The following PCDHA13 variants were observed in gnomAD, a reference collection of about 807,000 sequenced individuals.
PCDHA13 encodes protocadherin alpha-13.
A neutral mutation model predicts 64.8 loss-of-function variants in PCDHA13; 54 were observed. That is an observed-to-expected ratio of 0.83 (90% CI 0.67 to 1.04). The LOEUF is 1.04. Ranked by LOEUF, PCDHA13 falls within the 50% of genes least tolerant of loss-of-function variation. PCDHA13 has a pLI of 0.00. For missense variants in PCDHA13, 1,248 were observed against 1,254.3 expected, an observed-to-expected ratio of 0.99 and a Z score of 0.08; for synonymous variants, 587 against 564.4, an observed-to-expected ratio of 1.04 and a Z score of -0.57.
At chr5:140,990,007 C>T (rs1188956345) in intron 3 of PCDHA13, among the ~76,000 whole-genome samples, 2 of 151,870 alleles carry the variant, frequency 1.3e-5, no homozygotes, top group African/African-American at 2.4e-5. Flanking sequence ...TCTCCAAGGG[C>T]GTGGGCTAGG....
chr5:140,985,499 C>G (rs1307302690), intron 3 of PCDHA13, among the ~76,000 whole-genome samples: 1 of 152,170 alleles, frequency 6.6e-6, no homozygotes, highest in African/African-American at 2.4e-5. Flanking sequence ...TAGAGCCTGC[C>G]TTTCATTGAT....
In PCDHA13 at chr5:140,929,288, G is replaced by A. The variant is rs386352346; in HGVS notation, c.2394+44626G>A. 3.1e-6 allele frequency: 5 copies of A among 1,597,514 alleles called. No homozygotes were observed. Among genetic ancestry groups the A allele is most frequent in the Non-Finnish European group, 3.4e-6 (4 of 1,168,792 alleles). On this transcript the variant is annotated intron_variant, in intron 1 of 3. Transcript: ENST00000289272. ...TTGCCAATATCCTGTATTCAGATTC[G>A]GAATAGGAAAGGGGATCACGCTAAT... is the stretch of plus-strand genomic sequence containing the variant.
intron 3 of PCDHA13, among the ~76,000 whole-genome samples, chr5:140,989,274 G>A (rs3756325): frequency 0.3 from 45,270 of 152,016 alleles, 6,976 homozygotes; most frequent in East Asian, 0.43. Flanking sequence ...GTTTCTGCTG[G>A]GGACATCTCA....
chr5:140,935,996 G>A (rs145363850), intron 1 of PCDHA13, among the ~76,000 whole-genome samples: 2 of 150,844 alleles, frequency 1.3e-5, no homozygotes, highest in African/African-American at 4.9e-5. Context: ...GGGTTCAAGC[G>A]ATTCTCCCAC....
intron 1 of PCDHA13, among the ~76,000 whole-genome samples, chr5:140,974,660 C>T (rs529524485): frequency 2.6e-5 from 4 of 152,116 alleles, no homozygotes; most frequent in South Asian, 2.1e-4. Flanking sequence ...TACAGGCATG[C>T]GCCACCATGC....
chr5:140,925,947 G>A (rs1447488918), intron 1 of PCDHA13, among the ~76,000 whole-genome samples: 1 of 152,066 alleles, frequency 6.6e-6, no homozygotes, highest in Non-Finnish European at 1.5e-5. Flanking sequence ...CTTGGAGAAG[G>A]AGAAACTGCT....
chr5:140,961,464 C>G (rs1364555316), intron 1 of PCDHA13, among the ~76,000 whole-genome samples: 1 of 152,126 alleles, frequency 6.6e-6, no homozygotes, highest in Non-Finnish European at 1.5e-5. Flanking sequence ...AGCTGCCTTT[C>G]TTTTTTTGTC....
chr5:140,998,241 T>C (rs1554256206), intron 3 of PCDHA13, among the ~76,000 whole-genome samples: 1 of 152,194 alleles, frequency 6.6e-6, no homozygotes, highest in African/African-American at 2.4e-5. Context: ...TGCATTATTA[T>C]ACTCATTTTA....
At chr5:141,000,743 T>TAA (rs527867626) in intron 3 of PCDHA13, among the ~76,000 whole-genome samples, 3 of 145,408 alleles carry the variant, frequency 2.1e-5, no homozygotes, top group Admixed American at 6.9e-5. Context: ...CTCTGTATAT[T>TAA]AAAAAAAAAA....
At chr5:140,929,395 C>G (rs1317256449) in intron 1 of PCDHA13, 8 of 1,510,412 alleles carry the variant, frequency 5.3e-6, no homozygotes, top group Non-Finnish European at 5.3e-6. Flanking sequence ...TGAAATATTT[C>G]TTAGACAAGC....
intron 1 of PCDHA13, among the ~76,000 whole-genome samples, chr5:140,974,883 C>T (rs1188748856): frequency 1.3e-5 from 2 of 152,154 alleles, no homozygotes; most frequent in Non-Finnish European, 2.9e-5. Context: ...CTATGTATCC[C>T]TTTTCTGATG....
intron 1 of PCDHA13, among the ~76,000 whole-genome samples, chr5:140,959,145 A>C (rs2095470775): frequency 6.6e-6 from 1 of 152,030 alleles, no homozygotes; most frequent in Non-Finnish European, 1.5e-5. Flanking sequence ...GGGAGGCCAA[A>C]GTGGGCAGAT....
intron 3 of PCDHA13, among the ~76,000 whole-genome samples, chr5:140,984,412 A>G (rs1189115390): frequency 5.9e-5 from 9 of 152,184 alleles, no homozygotes; most frequent in African/African-American, 2.2e-4. Flanking sequence ...TATCTTTTTT[A>G]CAGAGATAGA....
intron 3 of PCDHA13, among the ~76,000 whole-genome samples, chr5:140,982,814 A>G (rs1166333981): frequency 6.6e-6 from 1 of 151,580 alleles, no homozygotes; most frequent in Non-Finnish European, 1.5e-5. Context: ...TGTGTGTATG[A>G]AGTTTTTGGG....
At chr5:140,894,403 T>C (rs1442623931) in intron 1 of PCDHA13, among the ~76,000 whole-genome samples, 3 of 152,046 alleles carry the variant, frequency 2.0e-5, no homozygotes, top group Non-Finnish European at 4.4e-5. Context: ...TTCTTTGCTT[T>C]TCTTTTGTAG....
At chr5:140,984,295 A>C (rs1195087908) in intron 3 of PCDHA13, among the ~76,000 whole-genome samples, 3 of 152,208 alleles carry the variant, frequency 2.0e-5, no homozygotes, top group African/African-American at 7.2e-5. Flanking sequence ...CCCATTGGTG[A>C]TGCTGGTTGG....
At chr5:140,902,846 A>G (rs1119032) in intron 1 of PCDHA13, among the ~76,000 whole-genome samples, 22,643 of 152,174 alleles carry the variant, frequency 0.15, 1,744 homozygotes, top group Middle Eastern at 0.2. Flanking sequence ...CTTCACTTAG[A>G]AAAATGGCGT....
Position 140,961,691 on chromosome 5 carries a change from T to A in PCDHA13, c.2395-17258T>A, listed in dbSNP as rs963909259. On this transcript the variant is annotated intron_variant, in intron 1 of 3. Transcript: ENST00000289272. Reference sequence around the variant, plus strand: ...GTTTTTAATTAAGCCGGAGTAGTCCTTAGTATGAATGCCTTCATTTCTAAG... The same window carrying A: ...GTTTTTAATTAAGCCGGAGTAGTCCATAGTATGAATGCCTTCATTTCTAAG... Among the ~76,000 whole-genome samples the A allele has an allele frequency of 2.0e-5, 3 of 152,340 alleles. No individual in the cohort carries two copies. In the East Asian group the frequency reaches 5.8e-4, roughly 29 times the overall value.
chr5:141,010,274 T>C lies in PCDHA13; in HGVS notation c.*337T>C, dbSNP rs1554262865. On this transcript the variant is annotated 3_prime_UTR_variant, in exon 4 of 4. Coordinates refer to ENST00000289272, the MANE Select transcript of PCDHA13 (RefSeq NM_018904.3). ...TCTGCCCTGTGCTCCGGGGATCCTG[T>C]CTTGATGACACTTGCAGGGCAGGCT... is the stretch of plus-strand genomic sequence containing the variant. The C allele has an allele frequency of 6.4e-7, 1 of 1,551,424 alleles. No homozygotes were observed. Among genetic ancestry groups the C allele is most frequent in the Admixed American group, 2.0e-5 (1 of 50,930 alleles).
Sources: gnomAD v4.1 joint callset for allele counts (sites outside exome capture counted in the v4.1 genomes callset) on GRCh38, gnomAD v4.1.1 for gene constraint, MANE v1.5 for transcripts, NCBI Gene and HGNC (gene_info 2026-07-23, HGNC 2026-07-21) for gene names.